MTMR12: variants seen among roughly 807,000 people sequenced by gnomAD.
The protein encoded by MTMR12 is myotubularin-related protein 12.
In MTMR12, 33 loss-of-function variants were observed where a neutral mutation model predicts 96.7. That is an observed-to-expected ratio of 0.34 (90% CI 0.26 to 0.46). MTMR12 has a LOEUF of 0.46. Among genes scored for constraint, MTMR12 ranks in the 20% least tolerant of loss-of-function variants. The pLI is 1.00. For missense variants in MTMR12, 721 were observed against 896.1 expected, an observed-to-expected ratio of 0.80 and a Z score of 2.49; for synonymous variants, 298 against 327.2, an observed-to-expected ratio of 0.91 and a Z score of 0.96.
chr5:32,292,034 C>A (rs528095904), intron 1 of MTMR12, among the ~76,000 whole-genome samples: 1 of 152,226 alleles, frequency 6.6e-6, no homozygotes, highest in African/African-American at 2.4e-5. Context: ...CTGACCAAGG[C>A]ACTCTCTTTG....
chr5:32,311,188 C>A (rs1003934881), intron 1 of MTMR12, among the ~76,000 whole-genome samples: 2 of 152,156 alleles, frequency 1.3e-5, no homozygotes, highest in Admixed American at 1.3e-4. Flanking sequence ...TAAATATATA[C>A]ACCTACTATA....
intron 1 of MTMR12, among the ~76,000 whole-genome samples, chr5:32,310,768 ATAACT>A (rs752175869): frequency 7.2e-5 from 11 of 152,062 alleles, no homozygotes; most frequent in Non-Finnish European, 1.6e-4. Flanking sequence ...ATATTTTATA[ATAACT>A]TAAAGAGTAT....
intron 8 of MTMR12, among the ~76,000 whole-genome samples, chr5:32,254,413 G>A (rs1009817875): frequency 6.6e-6 from 1 of 152,110 alleles, no homozygotes; most frequent in African/African-American, 2.4e-5. Flanking sequence ...CACACCAGCA[G>A]AAAATAAAAA....
In MTMR12 at chr5:32,243,617, A is replaced by C. The variant is rs769465884; in HGVS notation, c.1022-18T>G. The stretch of plus-strand genomic sequence containing the variant: ...ACTGTTATCTGAAAAAAGAAAAAGG[A>C]GTAAAGACGTCAGGTCATTGTTCAC... On this transcript the variant is annotated intron_variant, in intron 10 of 15. Coordinates refer to ENST00000382142, the MANE Select transcript of MTMR12 (RefSeq NM_001040446.3). 2.0e-6 allele frequency: 3 copies of C among 1,507,854 alleles called. No homozygotes were observed. The highest frequency in any genetic ancestry group is 2.8e-6 in the Non-Finnish European group (3 of 1,085,334). 93.4% of individuals were successfully genotyped at this position (1,507,854 alleles called of 1,614,324 possible).
intron 1 of MTMR12, among the ~76,000 whole-genome samples, chr5:32,282,042 T>C (rs1402820057): frequency 6.6e-6 from 1 of 152,104 alleles, no homozygotes; most frequent in Non-Finnish European, 1.5e-5. Flanking sequence ...GAAACCTATA[T>C]AACCACTGGA....
At chr5:32,269,649 T>C (rs1220062357) in intron 5 of MTMR12, among the ~76,000 whole-genome samples, 1 of 152,128 alleles carries the variant, frequency 6.6e-6, no homozygotes, top group Non-Finnish European at 1.5e-5. Flanking sequence ...TAGGGAAAAT[T>C]TTAAAACATA....
intron 14 of MTMR12, among the ~76,000 whole-genome samples, chr5:32,234,142 G>A (rs544393121): frequency 4.3e-4 from 66 of 152,292 alleles, no homozygotes; most frequent in Middle Eastern, 3.4e-3. Flanking sequence ...TTCCTTTCCA[G>A]CAGTCTACAC....
chr5:32,308,030 T>C (rs763382687), intron 1 of MTMR12, among the ~76,000 whole-genome samples: 6 of 152,078 alleles, frequency 3.9e-5, no homozygotes, highest in African/African-American at 9.7e-5. Flanking sequence ...TATGAAGAAA[T>C]AAGCAACAGT....
intron 1 of MTMR12, among the ~76,000 whole-genome samples, chr5:32,300,562 A>G (rs577762982): frequency 2.0e-5 from 3 of 152,042 alleles, no homozygotes; most frequent in Middle Eastern, 3.4e-3. Context: ...GGCCTCTCTC[A>G]TGCACCCCAG....
intron 1 of MTMR12, among the ~76,000 whole-genome samples, chr5:32,283,880 G>GTCC (rs1429955674): frequency 2.0e-5 from 3 of 152,144 alleles, no homozygotes; most frequent in Non-Finnish European, 2.9e-5. Context: ...ACTCCACTGG[G>GTCC]TCCTCTGAGG....
intron 4 of MTMR12, 42 bp downstream of exon 4, chr5:32,271,789 ACT>A (rs1749844137): frequency 8.4e-7 from 1 of 1,187,236 alleles, no homozygotes; most frequent in African/African-American, 1.6e-5. Context: ...TATCACCTAT[ACT>A]CTCAAAGGTT....
chr5:32,237,056 G>A (rs1027943762), intron 13 of MTMR12, among the ~76,000 whole-genome samples: 1 of 152,174 alleles, frequency 6.6e-6, no homozygotes, highest in Admixed American at 6.5e-5. Context: ...CTTGCTCAGT[G>A]AGAGAGACCT....
At chr5:32,255,213 G>A (rs1272733180) in intron 8 of MTMR12, among the ~76,000 whole-genome samples, 1 of 152,188 alleles carries the variant, frequency 6.6e-6, no homozygotes, top group Admixed American at 6.5e-5. Context: ...CGGAGTAACT[G>A]CCAGAGTCTT....
intron 1 of MTMR12, among the ~76,000 whole-genome samples, chr5:32,282,807 G>A (rs1166808272): frequency 6.6e-6 from 1 of 152,190 alleles, no homozygotes; most frequent in East Asian, 1.9e-4. Flanking sequence ...AGTATTCACT[G>A]GCAATGTCTG....
chr5:32,236,253 T>C (rs921641566), intron 13 of MTMR12, among the ~76,000 whole-genome samples: 3 of 152,088 alleles, frequency 2.0e-5, no homozygotes, highest in African/African-American at 7.2e-5. Context: ...TCTCAAGATA[T>C]ACAAAAACAT....
intron 13 of MTMR12, among the ~76,000 whole-genome samples, chr5:32,238,394 G>T (rs1428325891): frequency 6.6e-6 from 1 of 151,876 alleles, no homozygotes; most frequent in African/African-American, 2.4e-5. Context: ...TTTATTTTTG[G>T]TAGAGATGAG....
At chr5:32,287,194 G>A (rs2112121625) in intron 1 of MTMR12, among the ~76,000 whole-genome samples, 1 of 152,302 alleles carries the variant, frequency 6.6e-6, no homozygotes, top group African/African-American at 2.4e-5. Flanking sequence ...TTGATTAAAG[G>A]ATGCAAAATA....
chr5:32,253,742 C>T lies in MTMR12; in HGVS notation c.789+1951G>A, dbSNP rs140995850. Among the ~76,000 whole-genome samples, 491 of 152,336 alleles carry T rather than the reference C, an allele frequency of 3.2e-3. 3 individuals carry two copies. Among genetic ancestry groups the T allele is most frequent in the Non-Finnish European group, 5.1e-3 (349 of 68,028 alleles). ...GCTCAAGGGATCCTCCCACCTCAGACGCCAGAGTAGCTGGGACTATGGGCA... is the reference window on the plus strand; with the variant it reads ...GCTCAAGGGATCCTCCCACCTCAGATGCCAGAGTAGCTGGGACTATGGGCA... On this transcript the variant is annotated intron_variant, in intron 8 of 15. Coordinates refer to ENST00000382142, the MANE Select transcript of MTMR12 (RefSeq NM_001040446.3).
chr5:32,247,946 G>T, intron 10 of MTMR12, 56 bp downstream of exon 10: 1 of 1,584,556 alleles, frequency 6.3e-7, no homozygotes, highest in African/African-American at 1.3e-5. Flanking sequence ...CACCTGATCT[G>T]CATGGCATGT....
Sources: gnomAD v4.1 joint callset for allele counts (sites outside exome capture counted in the v4.1 genomes callset) on GRCh38, gnomAD v4.1.1 for gene constraint, MANE v1.5 for transcripts, NCBI Gene and HGNC (gene_info 2026-07-23, HGNC 2026-07-21) for gene names.